SEC31B: variants seen among roughly 807,000 people sequenced by gnomAD.
SEC31B encodes the protein SEC31 homolog B, COPII component, also known as protein transport protein Sec31B.
Under a neutral mutation model 135.0 loss-of-function variants are expected in SEC31B, and 113 were observed. That is an observed-to-expected ratio of 0.84 (90% CI 0.72 to 0.98). The LOEUF (loss-of-function observed/expected upper bound fraction) is 0.98, where lower values mean the gene tolerates loss of function less well. SEC31B is among the 50% of genes least tolerant of loss of function. The pLI, the probability that SEC31B is intolerant of heterozygous loss-of-function variation, is 0.00. For missense variants in SEC31B, 1,296 were observed against 1,421.1 expected (o/e 0.91, Z 1.42); for synonymous variants, 508 against 549.4 (o/e 0.92, Z 1.05).
rs1851271691 is a variant in SEC31B, at chr10:100,490,124, A to G, written c.2849T>C (p.Met950Thr). The G allele has an allele frequency of 6.3e-7, 1 of 1,590,034 alleles. No individual in the cohort carries two copies. The highest frequency in any genetic ancestry group is 8.6e-7 in the Non-Finnish European group (1 of 1,169,158). The change falls in exon 21 of 26, where the codon ATG becomes ACG. Residue 950 changes from methionine to threonine, a missense_variant. Transcript: ENST00000370345. ...AGGAGGGGCTGGGGTGTGGGAGACCATGCGGCCGGGACCTAGTGGTCTCAG... is the reference window on the plus strand; with the variant it reads ...AGGAGGGGCTGGGGTGTGGGAGACCGTGCGGCCGGGACCTAGTGGTCTCAG... ...LPLRPLGPGR[M>T]VSHTPAPPAS...
intron 19 of SEC31B, among the ~76,000 whole-genome samples, chr10:100,492,228 T>G (rs1851314078): frequency 1.3e-5 from 2 of 152,312 alleles, no homozygotes; most frequent in Admixed American, 1.3e-4. Context: ...GTTCACTATT[T>G]ATTTATTTTT....
intron 10 of SEC31B, among the ~76,000 whole-genome samples, chr10:100,502,842 T>C (rs1318542982): frequency 2.6e-5 from 4 of 152,216 alleles, no homozygotes; most frequent in African/African-American, 7.2e-5. Context: ...CTATTCTTGT[T>C]CACTGTCTTT....
chr10:100,489,197 A>G, intron 23 of SEC31B, 55 bp downstream of exon 23: 1 of 1,543,204 alleles, frequency 6.5e-7, no homozygotes, highest in South Asian at 1.3e-5. Context: ...CATGACCTGC[A>G]CCCAAGGAGG....
chr10:100,517,631 A>G (rs531310612), intron 1 of SEC31B, among the ~76,000 whole-genome samples: 1 of 152,276 alleles, frequency 6.6e-6, no homozygotes, highest in Admixed American at 6.5e-5. Flanking sequence ...TTCCAATCAA[A>G]TATTTCACTT....
In SEC31B at chr10:100,497,005, T is replaced by G. The variant is rs1851421972; in HGVS notation, c.2136+130A>C. On this transcript the variant is annotated intron_variant, in intron 17 of 25. Transcript: ENST00000370345. ...AGAAGATCCCAGACATTCAGGACCT[T>G]TCGCTCCTCCCTAACACCGTGGTTC... is the stretch of plus-strand genomic sequence containing the variant. 6 of 1,036,758 alleles carry G rather than the reference T, an allele frequency of 5.8e-6. No homozygotes were observed. In the South Asian group the frequency reaches 1.1e-4, roughly 19 times the overall value. 64.2% of individuals were successfully genotyped at this position (1,036,758 alleles called of 1,614,324 possible). A position where few individuals can be genotyped will look rare whatever the true frequency, so the allele number is the denominator to read the frequency against.
chr10:100,488,073 G>C lies in SEC31B; in HGVS notation c.3314C>G (p.Ala1105Gly), dbSNP rs371097231. ...DLKTKRKLEE[A>G]AQRLEYLYEK... Reference sequence around the variant, plus strand: ...ATATAGATACTCCAGACGCTGGGCTGCCTCTTCCAGCTTCCTTTTTGTCTT... The same window carrying C: ...ATATAGATACTCCAGACGCTGGGCTCCCTCTTCCAGCTTCCTTTTTGTCTT... Residue 1105 changes from alanine to glycine, a missense_variant, in exon 25 of 26, where the codon GCA becomes GGA. Transcript: ENST00000370345. 6.2e-7 allele frequency: 1 copy of C among 1,614,054 alleles called. No individual in the cohort carries two copies. Among genetic ancestry groups the C allele is most frequent in the Admixed American group, 1.7e-5 (1 of 60,026 alleles).
At chr10:100,489,439 A>G in intron 22 of SEC31B, 41 bp from the exon 23 acceptor site, 1 of 1,604,556 alleles carries the variant, frequency 6.2e-7, no homozygotes, top group Non-Finnish European at 8.5e-7. Flanking sequence ...AACCTGAGAG[A>G]CTCCATGGCT....
At position 100,489,123 on chromosome 10, in the gene SEC31B, A is replaced by G. The variant is rs1851248321; in HGVS notation, c.3171+129T>C. On this transcript the variant is annotated intron_variant, in intron 23 of 25. Coordinates refer to ENST00000370345, the MANE Select transcript of SEC31B (RefSeq NM_015490.4). ...GAGCAGCCTCCCTTTCTCTGCAGTA[A>G]GGACACCTGGTACCTGCCCCCAGTC... is the stretch of plus-strand genomic sequence containing the variant. The G allele has an allele frequency of 2.1e-6, 3 of 1,447,900 alleles. No homozygotes were observed. In the South Asian group the frequency reaches 4.3e-5, roughly 21 times the overall value. 89.7% of individuals were successfully genotyped at this position (1,447,900 alleles called of 1,614,324 possible). A position where few individuals can be genotyped will look rare whatever the true frequency, so the allele number is the denominator to read the frequency against.
At position 100,495,840 on chromosome 10, in the gene SEC31B, C is replaced by T. The variant is rs570173699; in HGVS notation, c.2311-294G>A. On this transcript the variant is annotated intron_variant, in intron 18 of 25. Transcript: ENST00000370345. Reference sequence around the variant, plus strand: ...CTGTATTCTGACCCTTGGACACCCCCGCTCTATACTCTAGCCCCCTTAGAG... The same window carrying T: ...CTGTATTCTGACCCTTGGACACCCCTGCTCTATACTCTAGCCCCCTTAGAG... Among the ~76,000 whole-genome samples the T allele has an allele frequency of 2.7e-3, 405 of 152,282 alleles. 1 individual carries two copies. The highest frequency in any genetic ancestry group is 4.5e-3 in the Non-Finnish European group (308 of 68,016).
chr10:100,493,102 G>A (rs191209795), intron 19 of SEC31B, among the ~76,000 whole-genome samples: 77 of 152,256 alleles, frequency 5.1e-4, no homozygotes, highest in African/African-American at 1.6e-3. Flanking sequence ...GGCCGGGCGC[G>A]GTGGCTCATG....
At chr10:100,494,038 A>AGGGAGG (rs1851357303) in intron 19 of SEC31B, among the ~76,000 whole-genome samples, 1 of 146,956 alleles carries the variant, frequency 6.8e-6, no homozygotes, top group African/African-American at 2.7e-5. Context: ...GGAAAAAAAG[A>AGGGAGG]AAAGGAATTA....
rs530345583 is a variant in SEC31B, at chr10:100,509,175, C to A, written c.400-73G>T. On this transcript the variant is annotated intron_variant, in intron 4 of 25. Coordinates refer to ENST00000370345, the MANE Select transcript of SEC31B (RefSeq NM_015490.4). The stretch of plus-strand genomic sequence containing the variant: ...AGAGCAAGAAAGGAGGAAAGAAGCC[C>A]AAATTTGGGGCTATCAAAAGCCTCC... 423 of 1,545,584 alleles carry A rather than the reference C, an allele frequency of 2.7e-4. 5 individuals carry two copies. The highest frequency in any genetic ancestry group is 1.9e-3 in the South Asian group (170 of 88,662).
intron 3 of SEC31B, among the ~76,000 whole-genome samples, chr10:100,515,832 C>T (rs1012197555): frequency 3.3e-5 from 5 of 152,070 alleles, no homozygotes; most frequent in Non-Finnish European, 7.3e-5. Context: ...AAAGACAGAC[C>T]AGGTACACGT....
chr10:100,502,552 C>A, intron 10 of SEC31B, 68 bp from the exon 11 acceptor site: 1 of 1,025,780 alleles, frequency 9.7e-7, no homozygotes. Flanking sequence ...AAGTCAGATT[C>A]ACAGAGAAGG....
intron 5 of SEC31B, chr10:100,508,336 G>C: frequency 3.7e-6 from 2 of 542,930 alleles, no homozygotes; most frequent in South Asian, 3.3e-5. Context: ...CTCTTGTCTA[G>C]GACAAAAAAA....
At chr10:100,519,649 G>T (rs1019606073) in intron 1 of SEC31B, 133 bp downstream of exon 1, 1 of 152,458 alleles carries the variant, frequency 6.6e-6, no homozygotes, top group East Asian at 1.9e-4. Flanking sequence ...GGACCCGCGG[G>T]CAGGGCAGGC....
intron 10 of SEC31B, among the ~76,000 whole-genome samples, chr10:100,502,939 C>T (rs1851550672): frequency 1.3e-5 from 2 of 152,300 alleles, no homozygotes; most frequent in South Asian, 4.1e-4. Flanking sequence ...TTTCCCTCCT[C>T]TAATTAAGCC....
chr10:100,518,623 C>T (rs1851890886), intron 1 of SEC31B, among the ~76,000 whole-genome samples: 1 of 152,112 alleles, frequency 6.6e-6, no homozygotes, highest in Non-Finnish European at 1.5e-5. Flanking sequence ...TGATCTAATT[C>T]CAATGTATAT....
chr10:100,514,633 T>C (rs1018311543), intron 3 of SEC31B, among the ~76,000 whole-genome samples: 18 of 151,518 alleles, frequency 1.2e-4, no homozygotes, highest in Non-Finnish European at 2.4e-4. Flanking sequence ...AAACGACAAC[T>C]AACTTTTCAT....
Sources: gnomAD v4.1 joint callset for allele counts (sites outside exome capture counted in the v4.1 genomes callset) on GRCh38, gnomAD v4.1.1 for gene constraint, MANE v1.5 for transcripts, NCBI Gene and HGNC (gene_info 2026-07-23, HGNC 2026-07-21) for gene names.